SRRM3: variants seen among roughly 807,000 people sequenced by gnomAD.
The protein encoded by SRRM3 is serine/arginine repetitive matrix protein 3.
A neutral mutation model predicts 66.2 loss-of-function variants in SRRM3; 27 were observed. The observed-to-expected ratio is 0.41, with a 90% CI of 0.30 to 0.56. The LOEUF (loss-of-function observed/expected upper bound fraction) is 0.56, where lower values mean the gene tolerates loss of function less well. Ranked by LOEUF, SRRM3 falls within the 20% of genes least tolerant of loss-of-function variation. The pLI is 0.32. For synonymous variants in SRRM3, 391 were observed against 414.9 expected (o/e 0.94, Z 0.70); for missense variants, 918 against 991.9 (o/e 0.93, Z 1.00).
In SRRM3 at chr7:76,281,759, C is replaced by A; in HGVS notation, c.1327C>A (p.Pro443Thr). 2 of 1,376,572 alleles carry A rather than the reference C, an allele frequency of 1.5e-6. No individual in the cohort carries two copies. Among genetic ancestry groups the A allele is most frequent in the Non-Finnish European group, 1.9e-6 (2 of 1,063,842 alleles). 85.3% of individuals were successfully genotyped at this position (1,376,572 alleles called of 1,614,324 possible). A position where few individuals can be genotyped will look rare whatever the true frequency, so the allele number is the denominator to read the frequency against. Residue 443 changes from proline to threonine, a missense_variant, in exon 12 of 15, where the codon CCC (proline) becomes ACC (threonine). Physicochemically the swap from Pro to Thr is conservative, Grantham distance 38. Transcript: ENST00000611745. ...CGGCCGCGGCGCCCCCGGCCCCGGGCCCGAGCCCGGCTCTGAGCGAGGCCA... is the reference window on the plus strand; with the variant it reads ...CGGCCGCGGCGCCCCCGGCCCCGGGACCGAGCCCGGCTCTGAGCGAGGCCA... Reference protein sequence around the residue: ...GSGRGAPGPGPEPGSERGHGG... With the variant: ...GSGRGAPGPGTEPGSERGHGG...
chr7:76,261,462 C>T lies in SRRM3; in HGVS notation c.638+48C>T, dbSNP rs574710036. The T allele has an allele frequency of 1.8e-5, 28 of 1,598,902 alleles. No homozygotes were observed. In the African/African-American group the frequency reaches 2.3e-4, roughly 13 times the overall value. On this transcript the variant is annotated intron_variant, in intron 7 of 14. Transcript: ENST00000611745. ...GGGGCCTCCTCTTCCTCCCGTGGGG[C>T]CCAGGGCCAGGGCTGTGGCCCTCCA...
intron 12 of SRRM3, among the ~76,000 whole-genome samples, 200 bp from the exon 13 acceptor site, chr7:76,282,448 C>T (rs1487578847): frequency 6.7e-6 from 1 of 150,104 alleles, no homozygotes; most frequent in Non-Finnish European, 1.5e-5. Context: ...TCTCCCCCAA[C>T]ACGCCCCCTC....
Position 76,282,702 on chromosome 7 carries a change from C to T in SRRM3, c.1425C>T (p.Gly475=). 3 of 1,421,226 alleles carry T rather than the reference C, an allele frequency of 2.1e-6. No homozygotes were observed. Among genetic ancestry groups the T allele is most frequent in the Non-Finnish European group, 2.7e-6 (3 of 1,094,364 alleles). The allele number at this position is 1,421,226 out of a possible 1,614,324, so 88.0% of individuals were successfully genotyped here. ...CCGCCAGCACCTCTCCGTCCCCGGGCGCGCACGGCCGGCGCGGCGGCCCAG... is the reference window on the plus strand; with the variant it reads ...CCGCCAGCACCTCTCCGTCCCCGGGTGCGCACGGCCGGCGCGGCGGCCCAG... The part of the protein sequence containing the change: ...ARPASTSPSP[G]AHGRRGGPEG... Residue 475 remains glycine, a synonymous_variant, in exon 13 of 15, where the codon GGC becomes GGT. Transcript: ENST00000611745.
At chr7:76,275,539 C>T (rs1329936403) in intron 11 of SRRM3, among the ~76,000 whole-genome samples, 1 of 151,078 alleles carries the variant, frequency 6.6e-6, no homozygotes, top group Non-Finnish European at 1.5e-5. Context: ...AAGGAAAGTG[C>T]TGGTGATCTG....
At chr7:76,239,572 A>T (rs75526128) in intron 2 of SRRM3, among the ~76,000 whole-genome samples, 11,523 of 151,622 alleles carry the variant, frequency 0.076, 1,034 homozygotes, top group African/African-American at 0.21. Flanking sequence ...GTGTGGTGGC[A>T]CATGCCTGTG....
chr7:76,260,502 T>C (rs1801835874), intron 5 of SRRM3, among the ~76,000 whole-genome samples: 1 of 85,278 alleles, frequency 1.2e-5, no homozygotes, highest in Admixed American at 1.4e-4. Flanking sequence ...CCTCCCCTTC[T>C]CTAGGACCCG....
intron 1 of SRRM3, among the ~76,000 whole-genome samples, chr7:76,231,499 T>C (rs1298299739): frequency 1.3e-5 from 2 of 152,228 alleles, no homozygotes; most frequent in East Asian, 3.9e-4. Flanking sequence ...AGTTCTAGGC[T>C]GGGGAGCCTT....
chr7:76,252,098 G>GA (rs1271331261), intron 3 of SRRM3, among the ~76,000 whole-genome samples: 1 of 151,986 alleles, frequency 6.6e-6, no homozygotes, highest in African/African-American at 2.4e-5. Context: ...AAAAATAATT[G>GA]AAAAAGAAAA....
At chr7:76,280,829 C>G (rs182369969) in intron 11 of SRRM3, among the ~76,000 whole-genome samples, 1 of 150,108 alleles carries the variant, frequency 6.7e-6, no homozygotes, top group African/African-American at 2.5e-5. Flanking sequence ...TCTCTGCCCC[C>G]ACTCTTGTCC....
At chr7:76,271,121 C>T (rs561644998) in intron 11 of SRRM3, among the ~76,000 whole-genome samples, 37 of 151,986 alleles carry the variant, frequency 2.4e-4, no homozygotes, top group East Asian at 1.4e-3. Flanking sequence ...ACTGCAGCTC[C>T]GAGAGGTCAA....
intron 3 of SRRM3, 78 bp from the exon 4 acceptor site, chr7:76,259,828 G>C: frequency 1.3e-6 from 2 of 1,581,318 alleles, no homozygotes; most frequent in Non-Finnish European, 1.7e-6. Context: ...GCGGGGCTAG[G>C]TCAGGCCCCC....
chr7:76,235,127 G>A lies in SRRM3; in HGVS notation c.61G>A (p.Gly21Ser). Residue 21 changes from glycine to serine, a missense_variant, in exon 2 of 15, where the codon GGC (glycine) becomes AGC (serine). Coordinates refer to ENST00000611745, the MANE Select transcript of SRRM3 (RefSeq NM_001110199.3). ...GCAGTCCACACCCGACGCCGCGAACGGCTTCCCGCAGCCCAGCTCCTCCTC... is the reference window on the plus strand; with the variant it reads ...GCAGTCCACACCCGACGCCGCGAACAGCTTCCCGCAGCCCAGCTCCTCCTC... ...SMQSTPDAAN[G>S]FPQPSSSSGT... 8 of 1,577,726 alleles carry A rather than the reference G, an allele frequency of 5.1e-6. No individual in the cohort carries two copies. The highest frequency in any genetic ancestry group is 4.6e-5 in the East Asian group (2 of 43,106).
intron 2 of SRRM3, among the ~76,000 whole-genome samples, chr7:76,237,372 C>G (rs1554605079): frequency 6.6e-6 from 1 of 152,076 alleles, no homozygotes; most frequent in African/African-American, 2.4e-5. Context: ...TGCCACTGCA[C>G]TCCAGCCTGG....
Position 76,284,575 on chromosome 7 carries a change from G to A in SRRM3, c.1734-1040G>A, listed in dbSNP as rs188702629. ...ATTTTGAACCCAGGGATCTTCCTGC[G>A]TCCCCCCTTCCTTCTGATGCCAACT... On this transcript the variant is annotated intron_variant, in intron 14 of 14. Coordinates refer to ENST00000611745, the MANE Select transcript of SRRM3 (RefSeq NM_001110199.3). Among the ~76,000 whole-genome samples, 726 of 152,150 alleles carry A rather than the reference G, an allele frequency of 4.8e-3. 10 individuals carry two copies. The highest frequency in any genetic ancestry group is 0.016 in the African/African-American group (657 of 41,504).
rs1554608783 is a variant in SRRM3 at position 76,261,581 on chromosome 7, G to A, written c.674G>A (p.Arg225Lys). The change falls in exon 8 of 15, where the codon AGA (arginine) becomes AAA (lysine). Residue 225 changes from arginine (R) to lysine (K), a missense_variant and splice_region_variant. Physicochemically the swap from Arg to Lys is conservative, Grantham distance 26. Coordinates refer to ENST00000611745, the MANE Select transcript of SRRM3 (RefSeq NM_001110199.3). ...GGGTCCCGGAGGAAGAGACGGCACA[G>A]GTGAGCGGCGCTTTGCAGAGGACAT... The part of the protein sequence containing the change: ...DSGSRRKRRH[R>K]SRSSKCKRKE... 6.2e-7 allele frequency: 1 copy of A among 1,611,280 alleles called. No homozygotes were observed. The highest frequency in any genetic ancestry group is 1.7e-5 in the Admixed American group (1 of 59,598).
intron 1 of SRRM3, among the ~76,000 whole-genome samples, chr7:76,229,766 C>T (rs557815484): frequency 2.3e-5 from 3 of 132,800 alleles, no homozygotes; most frequent in Admixed American, 1.7e-4. Context: ...TTTTTTGAGA[C>T]GGAGTCTCGC....
At chr7:76,253,576 G>A (rs925760002) in intron 3 of SRRM3, among the ~76,000 whole-genome samples, 2 of 150,090 alleles carry the variant, frequency 1.3e-5, no homozygotes, top group Non-Finnish European at 3.0e-5. Flanking sequence ...AACCGAGATC[G>A]TGCCACTGCA....
At position 76,285,893 on chromosome 7, in the gene SRRM3, G is replaced by C; in HGVS notation, c.*50G>C. 6.6e-7 allele frequency: 1 copy of C among 1,509,914 alleles called. No homozygotes were observed. Among genetic ancestry groups the C allele is most frequent in the South Asian group, 1.3e-5 (1 of 77,564 alleles). 93.5% of individuals were successfully genotyped at this position (1,509,914 alleles called of 1,614,324 possible). A position where few individuals can be genotyped will look rare whatever the true frequency, so the allele number is the denominator to read the frequency against. ...CCCCCTGGCACTGGGAGAGGCGAGG[G>C]GCGGGCCCCAGGACCCCAGTGGGGA... is the stretch of plus-strand genomic sequence containing the variant. On this transcript the variant is annotated 3_prime_UTR_variant, in exon 15 of 15. Coordinates refer to ENST00000611745, the MANE Select transcript of SRRM3 (RefSeq NM_001110199.3). This position sits in a 1 kb window ranked among gnomAD's most constrained non-coding sequence, Gnocchi z 4.1.
chr7:76,248,741 G>C (rs1244077958), intron 3 of SRRM3, among the ~76,000 whole-genome samples: 1 of 152,182 alleles, frequency 6.6e-6, no homozygotes, highest in South Asian at 2.1e-4. Context: ...CACTTCGGGA[G>C]GCCAAGTCAG....
Sources: gnomAD v4.1 joint callset for allele counts (sites outside exome capture counted in the v4.1 genomes callset) on GRCh38, gnomAD v4.1.1 for gene constraint, Gnocchi (gnomAD v3.1) non-coding constraint, MANE v1.5 for transcripts, NCBI Gene and HGNC (gene_info 2026-07-23, HGNC 2026-07-21) for gene names.